SYDE2: variants seen among roughly 807,000 people sequenced by gnomAD.
SYDE2 encodes rho GTPase-activating protein SYDE2.
In SYDE2, 76 loss-of-function variants were observed where a neutral mutation model predicts 91.5. That is an observed-to-expected ratio of 0.83 (90% CI 0.69 to 1.01). The LOEUF (loss-of-function observed/expected upper bound fraction) is 1.01, where lower values mean the gene tolerates loss of function less well. SYDE2 is among the 50% of genes least tolerant of loss of function. The probability of loss-of-function intolerance (pLI) is 0.00; values close to 1 mark genes in which losing one functional copy is unlikely to be tolerated. For synonymous variants in SYDE2, 513 were observed against 506.4 expected, an observed-to-expected ratio of 1.01 and a Z score of -0.18; for missense variants, 1,364 against 1,367.7, an observed-to-expected ratio of 1.00 and a Z score of 0.04.
chr1:85,181,336 G>A (rs1208742230), intron 3 of SYDE2: 1 of 151,968 alleles, frequency 6.6e-6, no homozygotes, highest in Non-Finnish European at 1.5e-5. Flanking sequence ...ATTTTTAGTA[G>A]AGACAGTTTT....
At chr1:85,181,998 C>A in intron 3 of SYDE2, 100 bp downstream of exon 3, 2 of 1,253,630 alleles carry the variant, frequency 1.6e-6, no homozygotes, top group South Asian at 1.7e-5. Flanking sequence ...GGTAAAATAT[C>A]TAAATTTGAT....
At chr1:85,156,404 A>G (rs557518824), downstream of SYDE2, among the ~76,000 whole-genome samples, 2 of 152,118 alleles carry the variant, frequency 1.3e-5, no homozygotes, top group East Asian at 3.9e-4. Flanking sequence ...AAAGAAAAGA[A>G]AAAGAAAAAT....
chr1:85,163,168 G>A (rs907323450), intron 6 of SYDE2, among the ~76,000 whole-genome samples: 3 of 148,228 alleles, frequency 2.0e-5, no homozygotes, highest in East Asian at 2.0e-4. Flanking sequence ...GTGCACTTCC[G>A]CAATCTCGGC....
chr1:85,169,297 T>A (rs1266989631), intron 4 of SYDE2, 72 bp from the exon 5 acceptor site: 5 of 1,282,496 alleles, frequency 3.9e-6, no homozygotes, highest in East Asian at 2.4e-5. Context: ...GTCAATTTTT[T>A]AAAATTTAAG....
chr1:85,171,488 C>T (rs1657504791), intron 4 of SYDE2, among the ~76,000 whole-genome samples: 1 of 151,940 alleles, frequency 6.6e-6, no homozygotes, highest in Non-Finnish European at 1.5e-5. Context: ...GATACCCAAA[C>T]AATAGTTGGG....
Position 85,182,979 on chromosome 1 carries a change from G to A in SYDE2, c.1663C>T (p.Pro555Ser). 6.2e-7 allele frequency: 1 copy of A among 1,613,672 alleles called. No homozygotes were observed. The highest frequency in any genetic ancestry group is 8.5e-7 in the Non-Finnish European group (1 of 1,179,752). ...TTAGACAAAGAAGGAGTATTATCTG[G>A]ACTGTTTATATAATTCAATGTTCCC... ...VKGTLNYINS[P>S]DNTPSLSKYN... The change falls in exon 3 of 7, where the codon CCA becomes TCA. Residue 555 changes from proline (P) to serine (S), a missense_variant. Pro to Ser is a moderately conservative substitution (Grantham distance 74). Coordinates refer to ENST00000341460, the MANE Select transcript of SYDE2 (RefSeq NM_032184.2).
chr1:85,160,039 G>A, intron 6 of SYDE2: 1 of 984,360 alleles, frequency 1.0e-6, no homozygotes, highest in Middle Eastern at 5.2e-4. Flanking sequence ...GTTTACTCTT[G>A]TGTGTTGAAC....
chr1:85,164,668 G>GCA lies in SYDE2; in HGVS notation c.2941_2942dup (p.Phe982AlafsTer7). 1 of 1,562,620 alleles carries GCA rather than the reference G, an allele frequency of 6.4e-7. No homozygotes were observed. Among genetic ancestry groups the GCA allele is most frequent in the Non-Finnish European group, 8.7e-7 (1 of 1,154,232 alleles). On this transcript the variant is annotated frameshift_variant, in exon 6 of 7. Coordinates refer to ENST00000341460, the MANE Select transcript of SYDE2 (RefSeq NM_032184.2). LOFTEE classifies it high-confidence loss of function. ...TCTGACTTAATAATACTGGTCCAAA[G>GCA]CACACAGCCAAATTCTGGCACGTCA...
At chr1:85,166,860 AT>A (rs1486453344) in intron 5 of SYDE2, among the ~76,000 whole-genome samples, 5 of 152,026 alleles carry the variant, frequency 3.3e-5, no homozygotes, top group Admixed American at 6.6e-5. Context: ...AGGAATGCAA[AT>A]TTTTTTTGAC....
chr1:85,200,058 A>G (rs1658754288), intron 1 of SYDE2, 194 bp downstream of exon 1: 4 of 843,494 alleles, frequency 4.7e-6, no homozygotes, highest in Non-Finnish European at 5.7e-6. Context: ...AAAGAAAAAA[A>G]AAAGCAAAAC....
At chr1:85,187,610 C>T (rs1658199423) in intron 2 of SYDE2, among the ~76,000 whole-genome samples, 1 of 150,954 alleles carries the variant, frequency 6.6e-6, no homozygotes, top group South Asian at 2.1e-4. Context: ...AGACTTGGAA[C>T]CAACCCAAAT....
intron 1 of SYDE2, among the ~76,000 whole-genome samples, chr1:85,198,400 A>G (rs1032402442): frequency 2.0e-5 from 3 of 152,214 alleles, no homozygotes; most frequent in East Asian, 3.8e-4. Context: ...AGCTCTCCAA[A>G]TCTATACTAG....
chr1:85,200,832 A>G lies in SYDE2; in HGVS notation c.165T>C (p.Pro55=). The change falls in exon 1 of 7, where the codon CCT becomes CCC. Residue 55 remains proline (P), a synonymous_variant. Transcript: ENST00000341460. The part of the protein sequence containing the change: ...RDGERGGGGR[P]RQQVSPPRSP... Reference sequence around the variant, plus strand: ...ACCGGGGCGGGGACACCTGCTGCCGAGGGCGTCCGCCGCCTCCCCGCTCCC... The same window carrying G: ...ACCGGGGCGGGGACACCTGCTGCCGGGGGCGTCCGCCGCCTCCCCGCTCCC... 7.1e-7 allele frequency: 1 copy of G among 1,400,548 alleles called. No individual in the cohort carries two copies. Among genetic ancestry groups the G allele is most frequent in the South Asian group, 1.6e-5 (1 of 64,390 alleles). 86.8% of individuals were successfully genotyped at this position (1,400,548 alleles called of 1,614,324 possible).
In SYDE2 at chr1:85,164,731, A is replaced by G; in HGVS notation, c.2880T>C (p.His960=). The change falls in exon 6 of 7, where the codon CAT becomes CAC. Residue 960 remains histidine, a synonymous_variant. Coordinates refer to ENST00000341460, the MANE Select transcript of SYDE2 (RefSeq NM_032184.2). ...EKATLKMLLD[H]LKLVASYHEV... is the part of the protein sequence containing the mutation. ...CATGATAGGAAGCCACCAATTTCAAATGATCCAACAACATCTTTAGGGTTG... is the reference window on the plus strand; with the variant it reads ...CATGATAGGAAGCCACCAATTTCAAGTGATCCAACAACATCTTTAGGGTTG... 1 of 1,445,922 alleles carries G rather than the reference A, an allele frequency of 6.9e-7. No individual in the cohort carries two copies. The highest frequency in any genetic ancestry group is 1.5e-5 in the South Asian group (1 of 64,550). 89.6% of individuals were successfully genotyped at this position (1,445,922 alleles called of 1,614,324 possible).
At chr1:85,185,529 A>T (rs2100678084) in intron 2 of SYDE2, among the ~76,000 whole-genome samples, 1 of 152,122 alleles carries the variant, frequency 6.6e-6, no homozygotes, top group South Asian at 2.1e-4. Context: ...CATCCCTTGT[A>T]AGTTGGATTC....
intron 2 of SYDE2, among the ~76,000 whole-genome samples, chr1:85,184,797 G>A (rs916255071): frequency 1.3e-5 from 2 of 151,544 alleles, no homozygotes; most frequent in Non-Finnish European, 2.9e-5. Context: ...GGAAGGTCGA[G>A]TGTTTCTCAG....
chr1:85,172,847 T>C (rs556975299), intron 4 of SYDE2, among the ~76,000 whole-genome samples: 16 of 151,758 alleles, frequency 1.1e-4, no homozygotes, highest in South Asian at 4.2e-4. Context: ...CAGCAAGGAG[T>C]CCCAAGTGTT....
At chr1:85,185,100 G>C (rs960506019) in intron 2 of SYDE2, among the ~76,000 whole-genome samples, 6 of 150,798 alleles carry the variant, frequency 4.0e-5, no homozygotes, top group Admixed American at 3.3e-4. Context: ...AACAAAAAAA[G>C]ATGACTTATA....
At chr1:85,174,762 C>T (rs1378394859) in intron 4 of SYDE2, among the ~76,000 whole-genome samples, 1 of 151,932 alleles carries the variant, frequency 6.6e-6, no homozygotes, top group Non-Finnish European at 1.5e-5. Flanking sequence ...AAGTCTATGA[C>T]CATTCCTCAA....
Sources: gnomAD v4.1 joint callset for allele counts (sites outside exome capture counted in the v4.1 genomes callset) on GRCh38, gnomAD v4.1.1 for gene constraint, MANE v1.5 for transcripts, NCBI Gene and HGNC (gene_info 2026-07-23, HGNC 2026-07-21) for gene names.